PSAT1: variants seen among roughly 807,000 people sequenced by gnomAD.
PSAT1 encodes phosphoserine aminotransferase 1.
A neutral mutation model predicts 40.3 loss-of-function variants in PSAT1; 41 were observed. The observed-to-expected ratio is 1.02, with a 90% CI of 0.79 to 1.32. The LOEUF (loss-of-function observed/expected upper bound fraction) is 1.32. PSAT1 is among the 40% of genes most tolerant of loss of function. The pLI is 0.00. For synonymous variants in PSAT1, 147 were observed against 170.5 expected (o/e 0.86, Z 1.07); for missense variants, 406 against 455.8 (o/e 0.89, Z 0.99).
intron 1 of PSAT1, among the ~76,000 whole-genome samples, chr9:78,298,679 A>T (rs1178062465): frequency 6.6e-6 from 1 of 151,850 alleles, no homozygotes. Flanking sequence ...TTTGTTATTA[A>T]TTTTTCTGGG....
At chr9:78,317,975 C>T (rs1485852068) in intron 7 of PSAT1, among the ~76,000 whole-genome samples, 171 bp downstream of exon 7, 1 of 152,028 alleles carries the variant, frequency 6.6e-6, no homozygotes, top group Non-Finnish European at 1.5e-5. Context: ...TGAGTTCTTC[C>T]CTCCTGTACC....
chr9:78,304,945 G>A lies in PSAT1; in HGVS notation c.397+5G>A. The stretch of plus-strand genomic sequence containing the variant: ...CTAAACTTGGGAGTTATACAAGTAA[G>A]TTCTGGGAGCTGAGCTGGGTGGTGA... On this transcript the variant is annotated splice_donor_5th_base_variant and intron_variant, in intron 4 of 8. Coordinates refer to ENST00000376588, the MANE Select transcript of PSAT1 (RefSeq NM_058179.4). The A allele has an allele frequency of 6.2e-7, 1 of 1,612,112 alleles. No individual in the cohort carries two copies. Among genetic ancestry groups the A allele is most frequent in the Non-Finnish European group, 8.5e-7 (1 of 1,179,856 alleles).
rs148598272 is a variant in PSAT1 at position 78,306,360 on chromosome 9, C to T, written c.444C>T (p.Tyr148=). The part of the protein sequence containing the change: ...STWNLNPDAS[Y]VYYCANETVH... Reference sequence around the variant, plus strand: ...GGAACCTCAACCCAGATGCCTCCTACGTGTATTATTGCGCAAATGAGACGG... The same window carrying T: ...GGAACCTCAACCCAGATGCCTCCTATGTGTATTATTGCGCAAATGAGACGG... Residue 148 remains tyrosine, a synonymous_variant, in exon 5 of 9, where the codon TAC becomes TAT. Transcript: ENST00000376588. 17 of 1,612,968 alleles carry T rather than the reference C, an allele frequency of 1.1e-5. No individual in the cohort carries two copies. Among genetic ancestry groups the T allele is most frequent in the South Asian group, 2.2e-5 (2 of 91,036 alleles).
intron 1 of PSAT1, 43 bp downstream of exon 1, chr9:78,297,313 G>A (rs1450284302): frequency 1.9e-6 from 3 of 1,566,208 alleles, no homozygotes; most frequent in Non-Finnish European, 2.6e-6. Flanking sequence ...GTTCAGGCGG[G>A]AGCACGCACG....
At chr9:78,298,185 C>T (rs2118614344) in intron 1 of PSAT1, 2 of 440,978 alleles carry the variant, frequency 4.5e-6, no homozygotes, top group Non-Finnish European at 6.0e-6. Flanking sequence ...AACCCACCGT[C>T]CCCAGCCCCA....
At chr9:78,297,729 G>C (rs1828047211) in intron 1 of PSAT1, among the ~76,000 whole-genome samples, 1 of 152,230 alleles carries the variant, frequency 6.6e-6, no homozygotes, top group Non-Finnish European at 1.5e-5. Flanking sequence ...AATGAGTGAT[G>C]AACGGGAATG....
intron 4 of PSAT1, 128 bp from the exon 5 acceptor site, chr9:78,306,186 G>T: frequency 3.0e-6 from 3 of 992,822 alleles, no homozygotes; most frequent in Non-Finnish European, 4.9e-6. Context: ...TTTCACTCGT[G>T]CAATGCTTTG....
intron 7 of PSAT1, among the ~76,000 whole-genome samples, chr9:78,325,398 T>C (rs1564019915): frequency 1.3e-5 from 2 of 152,236 alleles, no homozygotes; most frequent in Non-Finnish European, 2.9e-5. Context: ...TCCAGTCCAG[T>C]TCCCAGCAGG....
chr9:78,307,843 C>T (rs528861433), intron 5 of PSAT1, among the ~76,000 whole-genome samples: 192 of 152,246 alleles, frequency 1.3e-3, no homozygotes, highest in Admixed American at 2.9e-3. Flanking sequence ...AGTTCAAGAC[C>T]AGCCTGGCCA....
intron 6 of PSAT1, among the ~76,000 whole-genome samples, chr9:78,314,351 G>T (rs112573986): frequency 6.2e-4 from 53 of 84,888 alleles, no homozygotes; most frequent in East Asian, 1.6e-3. Context: ...CTCTGCAGAG[G>T]GCTGGGTGGG....
intron 7 of PSAT1, among the ~76,000 whole-genome samples, chr9:78,321,104 A>G (rs1442951111): frequency 2.0e-5 from 3 of 152,148 alleles, no homozygotes; most frequent in Non-Finnish European, 2.9e-5. Context: ...CAGGCAGGTC[A>G]TCTCCTGGGC....
Position 78,304,839 on chromosome 9 carries a change from C to T in PSAT1, c.296C>T (p.Ala99Val), listed in dbSNP as rs587777778. The T allele has an allele frequency of 2.7e-4, 440 of 1,614,034 alleles. No individual in the cohort carries two copies. Among genetic ancestry groups the T allele is most frequent in the Non-Finnish European group, 3.4e-4 (405 of 1,180,038 alleles). The change falls in exon 4 of 9, where the codon GCT becomes GTT. Residue 99 changes from alanine (A) to valine (V), a missense_variant. Transcript: ENST00000376588. Reference protein sequence around the residue: ...NLIGLKAGRCADYVVTGAWSA... With the variant: ...NLIGLKAGRCVDYVVTGAWSA... ...ATTGGCTTGAAAGCAGGAAGGTGTGCTGACTATGTGGTGACAGGAGCTTGG... is the reference window on the plus strand; with the variant it reads ...ATTGGCTTGAAAGCAGGAAGGTGTGTTGACTATGTGGTGACAGGAGCTTGG...
intron 6 of PSAT1, among the ~76,000 whole-genome samples, chr9:78,311,489 C>T (rs550066136): frequency 6.6e-6 from 1 of 152,182 alleles, no homozygotes; most frequent in African/African-American, 2.4e-5. Context: ...GGCAGACAGT[C>T]ACTCTCTGGT....
chr9:78,327,030 A>G (rs1587649089), intron 7 of PSAT1, among the ~76,000 whole-genome samples: 1 of 140,596 alleles, frequency 7.1e-6, no homozygotes, highest in Admixed American at 7.6e-5. Flanking sequence ...ATCTTGGCTC[A>G]CTGCAATCTC....
chr9:78,306,863 A>G (rs1437479978), intron 5 of PSAT1, among the ~76,000 whole-genome samples: 2 of 152,096 alleles, frequency 1.3e-5, no homozygotes, highest in Admixed American at 1.3e-4. Context: ...CCTGGTACCC[A>G]CCTCCAAAAG....
At chr9:78,300,547 G>A in intron 1 of PSAT1, 55 bp from the exon 2 acceptor site, 1 of 1,566,364 alleles carries the variant, frequency 6.4e-7, no homozygotes, top group Non-Finnish European at 8.7e-7. Context: ...ATGTTCAGAG[G>A]GAAAGCAGTG....
rs1828372324 is a variant in PSAT1, at chr9:78,317,857, G to A, written c.869+53G>A. On this transcript the variant is annotated intron_variant, in intron 7 of 8. Coordinates refer to ENST00000376588, the MANE Select transcript of PSAT1 (RefSeq NM_058179.4). ...TTGCCTCTTGTGAATTTAAAACTGT[G>A]TATATACTGTGTACCTTTGAAAAGT... The A allele has an allele frequency of 1.9e-6, 3 of 1,575,566 alleles. No individual in the cohort carries two copies. The South Asian group carries it at 3.3e-5, about 18-fold the overall frequency.
At chr9:78,300,710 CTTTTTTT>C (rs753207413) in intron 2 of PSAT1, 48 bp downstream of exon 2, 48 of 1,107,650 alleles carry the variant, frequency 4.3e-5, no homozygotes, top group South Asian at 2.2e-4. Flanking sequence ...TCAAAGGAAG[CTTTTTTT>C]TTTTTTTTTT....
intron 7 of PSAT1, among the ~76,000 whole-genome samples, chr9:78,322,234 G>C (rs1321592063): frequency 6.6e-6 from 1 of 151,766 alleles, no homozygotes; most frequent in African/African-American, 2.4e-5. Flanking sequence ...TGGGTACCAG[G>C]CCTTAGGAAA....
Sources: gnomAD v4.1 joint callset for allele counts (sites outside exome capture counted in the v4.1 genomes callset) on GRCh38, gnomAD v4.1.1 for gene constraint, MANE v1.5 for transcripts, NCBI Gene and HGNC (gene_info 2026-07-23, HGNC 2026-07-21) for gene names.